Variants in UGT2B17 observed in about 807,000 individuals in gnomAD.
UGT2B17 encodes the protein UDP glucuronosyltransferase family 2 member B17, also known as UDP-glucuronosyltransferase 2B17.
A neutral mutation model predicts 48.2 loss-of-function variants in UGT2B17; 21 were observed. The observed-to-expected ratio is 0.44, with a 90% CI of 0.31 to 0.63. The LOEUF is 0.63. Ranked by LOEUF, UGT2B17 falls within the 20% of genes least tolerant of loss-of-function variation. The pLI is 0.08. For missense variants in UGT2B17, 402 were observed against 696.1 expected, an observed-to-expected ratio of 0.58 and a Z score of 4.75; for synonymous variants, 146 against 238.4, an observed-to-expected ratio of 0.61 and a Z score of 3.57.
At chr4:68,565,848 A>G (rs938616270) in intron 2 of UGT2B17, 128 bp from the exon 3 acceptor site, 3 of 674,816 alleles carry the variant, frequency 4.4e-6, no homozygotes, top group Non-Finnish European at 5.7e-6. Flanking sequence ...AAATGTCTGC[A>G]CATTGATAAT....
At position 68,557,401 on chromosome 4, in the gene UGT2B17, C is replaced by T. The variant is rs530856874; in HGVS notation, c.1005+3136G>A. 3.2e-5 allele frequency among the ~76,000 whole-genome samples: 4 copies of T among 124,772 alleles called. 2 individuals are homozygous for T. In the South Asian group the frequency reaches 1.5e-3, roughly 46 times the overall value. The allele number at this position is 124,772 out of a possible 152,430, so 81.9% of individuals were successfully genotyped here. A position where few individuals can be genotyped will look rare whatever the true frequency, so the allele number is the denominator to read the frequency against. Reference sequence around the variant, plus strand: ...GAATGGAAGAAAAACTTTCAGGACTCATGGAGAACTAAAATGTTCATGAAT... The same window carrying T: ...GAATGGAAGAAAAACTTTCAGGACTTATGGAGAACTAAAATGTTCATGAAT... On this transcript the variant is annotated intron_variant, in intron 4 of 6. Transcript: ENST00000317746.
intron 5 of UGT2B17, 21 bp from the exon 6 acceptor site, chr4:68,550,917 A>G: frequency 7.4e-7 from 1 of 1,345,084 alleles, no homozygotes; most frequent in Non-Finnish European, 9.7e-7. Context: ...ATGCATTTTA[A>G]CAAAGTTATT....
Position 68,547,063 on chromosome 4 carries a change from T to C in UGT2B17, c.1313+3614A>G, listed in dbSNP as rs1363645340. Among the ~76,000 whole-genome samples the C allele has an allele frequency of 6.1e-5, 3 of 49,018 alleles. 1 individual carries two copies. Among genetic ancestry groups the C allele is most frequent in the Admixed American group, 5.9e-4 (2 of 3,402 alleles). 32.2% of individuals were successfully genotyped at this position (49,018 alleles called of 152,430 possible). On this transcript the variant is annotated intron_variant, in intron 6 of 6. Coordinates refer to ENST00000317746, the MANE Select transcript of UGT2B17 (RefSeq NM_001077.4). ...GCTACCAATGACTTTCTTCACAGAA[T>C]TGGAAAAAACTACTTGAATTCATAT...
rs1397176991 is a variant in UGT2B17 at position 68,572,751 on chromosome 4, TCCTGTACAAGTCCAAA to T, written c.-65+3184_-65+3199del. On this transcript the variant is annotated intron_variant, in intron 1 of 6. Coordinates refer to ENST00000317746, the MANE Select transcript of UGT2B17 (RefSeq NM_001077.4). Reference sequence around the variant, plus strand: ...TCTGAGGAAGGTCAGTTGAAGTCCTTCCTGTACAAGTCCAAATTCTGAGGAAAATGAGTCCTGCGAT... The same window carrying T: ...TCTGAGGAAGGTCAGTTGAAGTCCTTTTCTGAGGAAAATGAGTCCTGCGAT... Among the ~76,000 whole-genome samples the T allele has an allele frequency of 1.6e-5, 2 of 126,972 alleles. 1 individual carries two copies. Among genetic ancestry groups the T allele is most frequent in the East Asian group, 1.5e-3 (2 of 1,336 alleles). 83.3% of individuals were successfully genotyped at this position (126,972 alleles called of 152,430 possible). A position where few individuals can be genotyped will look rare whatever the true frequency, so the allele number is the denominator to read the frequency against.
chr4:68,542,354 C>CT (rs1210394753), intron 6 of UGT2B17, among the ~76,000 whole-genome samples: 1 of 125,784 alleles, frequency 8.0e-6, no homozygotes, highest in Admixed American at 8.2e-5. Flanking sequence ...TATATGGGCT[C>CT]TTTTTTGGTT....
intron 1 of UGT2B17, among the ~76,000 whole-genome samples, chr4:68,574,191 C>A (rs1467340992): frequency 7.9e-6 from 1 of 126,744 alleles, no homozygotes; most frequent in African/African-American, 2.7e-5. Context: ...CTTTTATGAT[C>A]CTCTAGTAAA....
Position 68,554,303 on chromosome 4 carries a change from G to A in UGT2B17, c.1006-2392C>T, listed in dbSNP as rs563414156. ...AGAAGAAGAATGATCCCCTGATATC[G>A]CCTGTTTGGATTTATGACACCTCTA... is the stretch of plus-strand genomic sequence containing the variant. On this transcript the variant is annotated intron_variant, in intron 4 of 6. Coordinates refer to ENST00000317746, the MANE Select transcript of UGT2B17 (RefSeq NM_001077.4). Among the ~76,000 whole-genome samples the A allele has an allele frequency of 8.0e-5, 10 of 125,726 alleles. 4 individuals are homozygous for A. Among genetic ancestry groups the A allele is most frequent in the Non-Finnish European group, 1.7e-4 (10 of 59,390 alleles). The allele number at this position is 125,726 out of a possible 152,430, so 82.5% of individuals were successfully genotyped here. A position where few individuals can be genotyped will look rare whatever the true frequency, so the allele number is the denominator to read the frequency against.
chr4:68,548,058 A>G lies in UGT2B17; in HGVS notation c.1313+2619T>C, dbSNP rs374501594. On this transcript the variant is annotated intron_variant, in intron 6 of 6. Coordinates refer to ENST00000317746, the MANE Select transcript of UGT2B17 (RefSeq NM_001077.4). ...CTAGAACTAGAAATATCATTTATCT[A>G]GCATTCCCATTACTGGGTATATACC... Among the ~76,000 whole-genome samples the G allele has an allele frequency of 3.5e-3, 446 of 126,746 alleles. 105 individuals are homozygous for G. The highest frequency in any genetic ancestry group is 0.02 in the Middle Eastern group (5 of 254). The allele number at this position is 126,746 out of a possible 152,430, so 83.2% of individuals were successfully genotyped here.
chr4:68,555,562 C>T (rs1369113909), intron 4 of UGT2B17, among the ~76,000 whole-genome samples: 1 of 126,236 alleles, frequency 7.9e-6, no homozygotes, highest in Admixed American at 8.2e-5. Flanking sequence ...ATCTTTTTCA[C>T]TGTCTCAGTT....
At position 68,558,548 on chromosome 4, in the gene UGT2B17, A is replaced by G. The variant is rs575461892; in HGVS notation, c.1005+1989T>C. Among the ~76,000 whole-genome samples the G allele has an allele frequency of 6.7e-4, 84 of 126,064 alleles. 17 individuals carry two copies. Among genetic ancestry groups the G allele is most frequent in the African/African-American group, 1.9e-3 (70 of 37,100 alleles). The allele number at this position is 126,064 out of a possible 152,430, so 82.7% of individuals were successfully genotyped here. On this transcript the variant is annotated intron_variant, in intron 4 of 6. Coordinates refer to ENST00000317746, the MANE Select transcript of UGT2B17 (RefSeq NM_001077.4). Reference sequence around the variant, plus strand: ...AGTAATGTGGCCTATATTAATTTTAAAGGATTGTTCTTTTGTTTTTGTTTT... The same window carrying G: ...AGTAATGTGGCCTATATTAATTTTAGAGGATTGTTCTTTTGTTTTTGTTTT...
rs1216034722 is a variant in UGT2B17, at chr4:68,541,838, G to T, written c.1314-3934C>A. Among the ~76,000 whole-genome samples the T allele has an allele frequency of 3.2e-5, 4 of 126,098 alleles. 2 individuals carry two copies. The highest frequency in any genetic ancestry group is 6.7e-5 in the Non-Finnish European group (4 of 59,588). 82.7% of individuals were successfully genotyped at this position (126,098 alleles called of 152,430 possible). A position where few individuals can be genotyped will look rare whatever the true frequency, so the allele number is the denominator to read the frequency against. On this transcript the variant is annotated intron_variant, in intron 6 of 6. Coordinates refer to ENST00000317746, the MANE Select transcript of UGT2B17 (RefSeq NM_001077.4). ...ATTTTTGTATAAGGTGTAAGGCAGG[G>T]GTATAGTTTCTGTTTTTTGCATATG...
At chr4:68,551,734 A>T in intron 5 of UGT2B17, 90 bp downstream of exon 5, 2 of 908,900 alleles carry the variant, frequency 2.2e-6, no homozygotes, top group Non-Finnish European at 2.9e-6. Flanking sequence ...TCCAATAATA[A>T]ATGTTAAATA....
Position 68,540,569 on chromosome 4 carries a change from CCCT to C in UGT2B17, c.1314-2668_1314-2666del, listed in dbSNP as rs1730637491. On this transcript the variant is annotated intron_variant, in intron 6 of 6. Transcript: ENST00000317746. ...CTCGATCTCTTGACCTCGTGATCTG[CCCT>C]CCTCAGCCACCCAAAGTGCTGGGAT... 1.6e-5 allele frequency among the ~76,000 whole-genome samples: 2 copies of C among 126,948 alleles called. 1 individual carries two copies. Among genetic ancestry groups the C allele is most frequent in the Non-Finnish European group, 3.3e-5 (2 of 59,750 alleles). The allele number at this position is 126,948 out of a possible 152,430, so 83.3% of individuals were successfully genotyped here.
chr4:68,564,294 A>ATATATATTT (rs1366181355), intron 3 of UGT2B17, among the ~76,000 whole-genome samples: 936 of 75,704 alleles, frequency 0.012, 97 homozygotes, highest in African/African-American at 0.042. Context: ...ATATATATAT[A>ATATATATTT]TTTTTTTTTT....
rs1386691499 is a variant in UGT2B17 at position 68,568,461 on chromosome 4, G to T, written c.24C>A (p.Val8=). MSLKWMS[V]FLLMQLSCYF... is the part of the protein sequence containing the mutation. ...AACAACTGAGCTGCATCAGCAGAAAGACTGACATCCATTTCAGAGACATCC... is the reference window on the plus strand; with the variant it reads ...AACAACTGAGCTGCATCAGCAGAAATACTGACATCCATTTCAGAGACATCC... Residue 8 remains valine (V), a synonymous_variant, in exon 2 of 7, where the codon GTC becomes GTA. Coordinates refer to ENST00000317746, the MANE Select transcript of UGT2B17 (RefSeq NM_001077.4). 1 of 1,358,462 alleles carries T rather than the reference G, an allele frequency of 7.4e-7. No homozygotes were observed. Among genetic ancestry groups the T allele is most frequent in the African/African-American group, 1.5e-5 (1 of 66,386 alleles). The allele number at this position is 1,358,462 out of a possible 1,614,324, so 84.2% of individuals were successfully genotyped here.
intron 4 of UGT2B17, among the ~76,000 whole-genome samples, chr4:68,559,097 T>A (rs1731056303): frequency 8.0e-6 from 1 of 125,664 alleles, no homozygotes; most frequent in Non-Finnish European, 1.7e-5. Flanking sequence ...TACTTTATAC[T>A]AGCTGTAACC....
chr4:68,562,005 C>G (rs1456959429), intron 3 of UGT2B17, among the ~76,000 whole-genome samples: 1 of 124,752 alleles, frequency 8.0e-6, no homozygotes, highest in Non-Finnish European at 1.7e-5. Flanking sequence ...CTTTATAAAA[C>G]TGTTTACGAA....
intron 4 of UGT2B17, among the ~76,000 whole-genome samples, chr4:68,552,349 T>G (rs985384385): frequency 7.9e-6 from 1 of 126,428 alleles, no homozygotes; most frequent in Non-Finnish European, 1.7e-5. Flanking sequence ...ATTTGTCTCC[T>G]ATCTACCTAT....
rs540626543 is a variant in UGT2B17 at position 68,543,695 on chromosome 4, G to A, written c.1314-5791C>T. On this transcript the variant is annotated intron_variant, in intron 6 of 6. Coordinates refer to ENST00000317746, the MANE Select transcript of UGT2B17 (RefSeq NM_001077.4). The stretch of plus-strand genomic sequence containing the variant: ...AGGTAAAAACCTTGAAAAAAGATTA[G>A]ATGAATGGCTAACTAGATAACCAAT... Among the ~76,000 whole-genome samples, 79 of 123,988 alleles carry A rather than the reference G, an allele frequency of 6.4e-4. 20 individuals are homozygous for A. The highest frequency in any genetic ancestry group is 2.1e-3 in the African/African-American group (76 of 36,434). The allele number at this position is 123,988 out of a possible 152,430, so 81.3% of individuals were successfully genotyped here.
Sources: allele counts gnomAD v4.1 joint callset (sites outside exome capture counted in the v4.1 genomes callset), GRCh38; gene constraint gnomAD v4.1.1; transcripts MANE v1.5; gene names NCBI Gene and HGNC (gene_info 2026-07-23, HGNC 2026-07-21).